PRKCE: variants seen among roughly 807,000 people sequenced by gnomAD.
PRKCE encodes protein kinase C epsilon, also known as protein kinase C epsilon type.
In PRKCE, 16 loss-of-function variants were observed where a neutral mutation model predicts 85.4. The ratio of observed to expected loss-of-function variants is 0.19; its 90% CI spans 0.13 to 0.28. The LOEUF (loss-of-function observed/expected upper bound fraction) is 0.28. Ranked by LOEUF, PRKCE falls within the 10% of genes least tolerant of loss-of-function variation. The pLI, the probability that PRKCE is intolerant of heterozygous loss-of-function variation, is 1.00. For synonymous variants in PRKCE, 388 were observed against 371.5 expected (o/e 1.04, Z -0.51); for missense variants, 573 against 975.2 (o/e 0.59, Z 5.49).
At chr2:45,867,182 A>G (rs1044779403) in intron 2 of PRKCE, among the ~76,000 whole-genome samples, 1 of 152,098 alleles carries the variant, frequency 6.6e-6, no homozygotes, top group Non-Finnish European at 1.5e-5. Context: ...AGACAGAAAA[A>G]CAGTAGAAAA....
At chr2:45,851,084 G>T (rs935644145) in intron 2 of PRKCE, among the ~76,000 whole-genome samples, 17 of 152,200 alleles carry the variant, frequency 1.1e-4, no homozygotes, top group African/African-American at 3.6e-4. Context: ...GCTCTGCTGT[G>T]AGTAGGCAGT....
intron 10 of PRKCE, among the ~76,000 whole-genome samples, chr2:46,055,464 C>G (rs1666485033): frequency 6.6e-6 from 1 of 152,248 alleles, no homozygotes; most frequent in South Asian, 2.1e-4. Flanking sequence ...TCAATTCAAT[C>G]TCTCAGTCAG....
intron 1 of PRKCE, among the ~76,000 whole-genome samples, chr2:45,662,227 A>G (rs1489085152): frequency 6.6e-6 from 1 of 152,226 alleles, no homozygotes; most frequent in Non-Finnish European, 1.5e-5. Flanking sequence ...CTGAGCAAAT[A>G]TTTATTGAAT....
intron 1 of PRKCE, among the ~76,000 whole-genome samples, chr2:45,799,161 G>A (rs543711496): frequency 6.4e-5 from 9 of 141,620 alleles, no homozygotes; most frequent in African/African-American, 2.2e-4. Flanking sequence ...GTGGGACTCC[G>A]TTTCAAAAAA....
chr2:45,789,476 C>T (rs560957133), intron 1 of PRKCE, among the ~76,000 whole-genome samples: 1 of 152,316 alleles, frequency 6.6e-6, no homozygotes, highest in South Asian at 2.1e-4. Context: ...TAACTCATCA[C>T]TGTAACTCCA....
rs547386418 is a variant in PRKCE at position 46,099,133 on chromosome 2, C to T, written c.1592+12771C>T. On this transcript the variant is annotated intron_variant, in intron 11 of 14. Coordinates refer to ENST00000306156, the MANE Select transcript of PRKCE (RefSeq NM_005400.3). ...TTCTGGTAAGCAAGGAGCTGGGTTG[C>T]TTTCTTGCTCAGAAGCCTGCCATGA... Among the ~76,000 whole-genome samples, 3 of 152,270 alleles carry T rather than the reference C, an allele frequency of 2.0e-5. No homozygotes were observed. In the South Asian group the frequency reaches 6.2e-4, roughly 32 times the overall value.
At chr2:45,833,922 CTG>C (rs758904196) in intron 1 of PRKCE, among the ~76,000 whole-genome samples, 1 of 152,230 alleles carries the variant, frequency 6.6e-6, no homozygotes, top group Non-Finnish European at 1.5e-5. Context: ...GACAGGCAGA[CTG>C]TGCTGTGAGC....
At chr2:45,834,003 A>G (rs536333388) in intron 1 of PRKCE, among the ~76,000 whole-genome samples, 2 of 152,346 alleles carry the variant, frequency 1.3e-5, no homozygotes, top group South Asian at 4.1e-4. Flanking sequence ...TTCTCAGCTC[A>G]AGAAAGCATT....
rs567886952 is a variant in PRKCE, at chr2:45,752,063, C to T, written c.349-90937C>T. Among the ~76,000 whole-genome samples, 876 of 151,186 alleles carry T rather than the reference C, an allele frequency of 5.8e-3. 11 individuals are homozygous for T. The highest frequency in any genetic ancestry group is 0.02 in the African/African-American group (807 of 40,986). ...CGATCTGCTGACCTCGTGATCCGCC[C>T]GCCTCGGCCTTCCAAAGTGCTGGGA... On this transcript the variant is annotated intron_variant, in intron 1 of 14. Coordinates refer to ENST00000306156, the MANE Select transcript of PRKCE (RefSeq NM_005400.3).
At chr2:45,792,193 A>G (rs1006642505) in intron 1 of PRKCE, among the ~76,000 whole-genome samples, 1 of 152,082 alleles carries the variant, frequency 6.6e-6, no homozygotes, top group African/African-American at 2.4e-5. Flanking sequence ...CAAAGAGGCC[A>G]AACCTGAGGG....
chr2:45,821,269 GA>G (rs1394684134), intron 1 of PRKCE, among the ~76,000 whole-genome samples: 1 of 152,186 alleles, frequency 6.6e-6, no homozygotes, highest in Non-Finnish European at 1.5e-5. Context: ...TTTACAAGTG[GA>G]GGTAATTATC....
At chr2:45,747,758 T>A (rs766944873) in intron 1 of PRKCE, among the ~76,000 whole-genome samples, 4 of 152,232 alleles carry the variant, frequency 2.6e-5, no homozygotes, top group African/African-American at 4.8e-5. Flanking sequence ...ATTCTATTTT[T>A]AATTTTTTAA....
intron 2 of PRKCE, among the ~76,000 whole-genome samples, chr2:45,884,523 G>C (rs189053300): frequency 1.5e-3 from 222 of 152,230 alleles, no homozygotes; most frequent in Non-Finnish European, 2.1e-3. Flanking sequence ...AGCAGTAACT[G>C]TGGCAGCAAG....
chr2:45,728,426 C>G (rs1025461321), intron 1 of PRKCE, among the ~76,000 whole-genome samples: 1 of 152,180 alleles, frequency 6.6e-6, no homozygotes, highest in Non-Finnish European at 1.5e-5. Context: ...CCCTTCTTCA[C>G]CAGAACCCTT....
intron 10 of PRKCE, among the ~76,000 whole-genome samples, chr2:46,020,312 A>T (rs941432899): frequency 6.6e-6 from 1 of 152,176 alleles, no homozygotes; most frequent in Non-Finnish European, 1.5e-5. Flanking sequence ...ACTGTTTCAC[A>T]TGTTAGCATT....
intron 10 of PRKCE, among the ~76,000 whole-genome samples, chr2:46,081,222 AC>A (rs1487090766): frequency 6.6e-6 from 1 of 152,094 alleles, no homozygotes; most frequent in Admixed American, 6.6e-5. Context: ...CCATCCTGCC[AC>A]CTCAGCCTCC....
intron 2 of PRKCE, among the ~76,000 whole-genome samples, chr2:45,940,716 A>C (rs936215116): frequency 2.6e-5 from 4 of 152,230 alleles, no homozygotes; most frequent in Admixed American, 6.5e-5. Flanking sequence ...ACATGCTTTC[A>C]AACACATACA....
intron 10 of PRKCE, among the ~76,000 whole-genome samples, chr2:46,028,348 C>CAACATGTTTTT (rs1177758707): frequency 1.3e-5 from 2 of 152,206 alleles, no homozygotes; most frequent in Non-Finnish European, 2.9e-5. Context: ...TTGTGTTTTG[C>CAACATGTTTTT]AACATGTTTT....
At chr2:45,798,007 A>G (rs73926099) in intron 1 of PRKCE, among the ~76,000 whole-genome samples, 5 of 151,996 alleles carry the variant, frequency 3.3e-5, no homozygotes, top group African/African-American at 1.2e-4. Flanking sequence ...CTCATTTTAT[A>G]CTCCTGTGAG....
Sources: allele counts gnomAD v4.1 joint callset (sites outside exome capture counted in the v4.1 genomes callset), GRCh38; gene constraint gnomAD v4.1.1; transcripts MANE v1.5; gene names NCBI Gene and HGNC (gene_info 2026-07-23, HGNC 2026-07-21).